LRRC7: variants seen among roughly 807,000 people sequenced by gnomAD.
LRRC7 encodes leucine rich repeat containing 7.
A neutral mutation model predicts 175.7 loss-of-function variants in LRRC7; 23 were observed. The ratio of observed to expected loss-of-function variants is 0.13; its 90% CI spans 0.09 to 0.19. The LOEUF is 0.19. Among genes scored for constraint, LRRC7 ranks in the 10% least tolerant of loss-of-function variants. The pLI is 1.00. For synonymous variants in LRRC7, 685 were observed against 680.9 expected, an observed-to-expected ratio of 1.01 and a Z score of -0.09; for missense variants, 1,354 against 1,904.7, an observed-to-expected ratio of 0.71 and a Z score of 5.38.
At chr1:69,797,064 G>T (rs1258515815) in intron 4 of LRRC7, among the ~76,000 whole-genome samples, 1 of 152,038 alleles carries the variant, frequency 6.6e-6, no homozygotes, top group Admixed American at 6.6e-5. Context: ...CAGTATACAT[G>T]GTAGGCATTC....
intron 3 of LRRC7, among the ~76,000 whole-genome samples, chr1:69,774,598 C>G (rs560781979): frequency 1.3e-5 from 2 of 152,084 alleles, no homozygotes; most frequent in South Asian, 4.1e-4. Flanking sequence ...CTACAGTAGC[C>G]TTTTTGCTAT....
At chr1:69,767,937 A>G (rs1176545716) in intron 3 of LRRC7, among the ~76,000 whole-genome samples, 1 of 151,982 alleles carries the variant, frequency 6.6e-6, no homozygotes, top group Non-Finnish European at 1.5e-5. Flanking sequence ...GCCCTAGGTG[A>G]GGGAAAAAAA....
chr1:69,948,686 A>G (rs988335467), intron 8 of LRRC7, among the ~76,000 whole-genome samples: 9 of 152,262 alleles, frequency 5.9e-5, no homozygotes, highest in Middle Eastern at 6.8e-3. Flanking sequence ...TGTGCCAGCT[A>G]CTTTTACGAG....
Position 69,792,054 on chromosome 1 carries a change from C to T in LRRC7, c.315C>T (p.Asn105=), listed in dbSNP as rs2101061543. The T allele has an allele frequency of 6.3e-7, 1 of 1,595,772 alleles. No individual in the cohort carries two copies. Among genetic ancestry groups the T allele is most frequent in the East Asian group, 2.2e-5 (1 of 44,578 alleles). Reference sequence around the variant, plus strand: ...ATTTTCTATTACAGCAATTGTTCAACTGTCAAGCTCTACGAAAACTAAGTA... The same window carrying T: ...ATTTTCTATTACAGCAATTGTTCAATTGTCAAGCTCTACGAAAACTAAGTA... ...QIEELPKQLF[N]CQALRKLSIP... Residue 105 remains asparagine (N), a synonymous_variant, in exon 4 of 27, where the codon AAC becomes AAT. Transcript: ENST00000651989.
At position 70,133,184 on chromosome 1, in the gene LRRC7, G is replaced by C. The variant is rs772713148; in HGVS notation, c.*11297G>C. ...CCCAGCCTTGGCAATTCTCTGGCTT[G>C]GGGGAGCACAGTCCGATTTTTGTTG... On this transcript the variant is annotated 3_prime_UTR_variant, in exon 27 of 27. Transcript: ENST00000651989. Among the ~76,000 whole-genome samples the C allele has an allele frequency of 1.3e-5, 2 of 151,960 alleles. No individual in the cohort carries two copies. The highest frequency in any genetic ancestry group is 2.4e-5 in the African/African-American group (1 of 41,358).
At chr1:69,786,316 A>C (rs1324869180) in intron 3 of LRRC7, among the ~76,000 whole-genome samples, 1 of 151,860 alleles carries the variant, frequency 6.6e-6, no homozygotes, top group Admixed American at 6.6e-5. Context: ...TTCCTAGAAG[A>C]CTTTTTTTTC....
At chr1:69,577,854 G>A (rs1646020110) in intron 1 of LRRC7, among the ~76,000 whole-genome samples, 1 of 152,108 alleles carries the variant, frequency 6.6e-6, no homozygotes, top group South Asian at 2.1e-4. Flanking sequence ...GATTGCCTTG[G>A]CGATGCGGGC....
intron 16 of LRRC7, among the ~76,000 whole-genome samples, chr1:70,022,051 A>G (rs1657561508): frequency 6.6e-6 from 1 of 152,142 alleles, no homozygotes; most frequent in African/African-American, 2.4e-5. Flanking sequence ...TATTTCTTAA[A>G]TCAGCACATG....
intron 7 of LRRC7, among the ~76,000 whole-genome samples, chr1:69,900,176 C>T (rs907382985): frequency 2.0e-5 from 3 of 152,138 alleles, no homozygotes; most frequent in Non-Finnish European, 2.9e-5. Context: ...AACCCTTGCT[C>T]CAACTAATAA....
At chr1:69,935,545 T>A (rs149962844) in intron 8 of LRRC7, among the ~76,000 whole-genome samples, 37 of 152,274 alleles carry the variant, frequency 2.4e-4, no homozygotes, top group Middle Eastern at 3.4e-3. Context: ...AAATAAACAC[T>A]AAATTAAGTT....
At chr1:70,082,769 T>C (rs1663297674) in intron 24 of LRRC7, among the ~76,000 whole-genome samples, 1 of 137,984 alleles carries the variant, frequency 7.2e-6, no homozygotes, top group South Asian at 2.4e-4. Context: ...TAGTCAATCT[T>C]GATACCAGTA....
chr1:69,637,738 T>A (rs1288773275), intron 1 of LRRC7, among the ~76,000 whole-genome samples: 1 of 151,982 alleles, frequency 6.6e-6, no homozygotes, highest in Non-Finnish European at 1.5e-5. Flanking sequence ...CTGTAACTAA[T>A]ATATTTTACT....
intron 7 of LRRC7, among the ~76,000 whole-genome samples, chr1:69,884,626 G>A (rs1405047436): frequency 7.3e-6 from 1 of 137,512 alleles, no homozygotes; most frequent in African/African-American, 3.0e-5. Context: ...CTGCCTAATT[G>A]CCCTGGCCAG....
intron 3 of LRRC7, among the ~76,000 whole-genome samples, chr1:69,767,216 T>C (rs1335678715): frequency 6.6e-6 from 1 of 152,192 alleles, no homozygotes; most frequent in Non-Finnish European, 1.5e-5. Flanking sequence ...CATTCCTTTT[T>C]ATTGACAAAT....
intron 6 of LRRC7, among the ~76,000 whole-genome samples, chr1:69,835,137 A>T (rs1037140813): frequency 2.0e-5 from 3 of 151,920 alleles, no homozygotes; most frequent in Non-Finnish European, 4.4e-5. Context: ...TATCTGAGGG[A>T]AAAAAAGGAG....
chr1:69,600,146 T>G (rs992773210), intron 1 of LRRC7, among the ~76,000 whole-genome samples: 3 of 152,180 alleles, frequency 2.0e-5, no homozygotes, highest in Non-Finnish European at 4.4e-5. Flanking sequence ...TACAGGGTGT[T>G]CCCATATAAC....
intron 7 of LRRC7, among the ~76,000 whole-genome samples, chr1:69,894,239 C>T (rs1645917471): frequency 1.3e-5 from 2 of 152,072 alleles, no homozygotes; most frequent in South Asian, 4.1e-4. Flanking sequence ...TTATTTTCCC[C>T]ATTTTACAAA....
intron 7 of LRRC7, among the ~76,000 whole-genome samples, chr1:69,919,037 A>G (rs560846033): frequency 6.6e-6 from 1 of 152,320 alleles, no homozygotes; most frequent in East Asian, 1.9e-4. Context: ...TAGAGGTGGC[A>G]TAGAGTGTAC....
intron 1 of LRRC7, among the ~76,000 whole-genome samples, chr1:69,606,600 C>G (rs906930365): frequency 3.3e-5 from 5 of 152,022 alleles, no homozygotes; most frequent in African/African-American, 1.2e-4. Context: ...TTATAGTGCA[C>G]AAGTCCAGCT....
Sources: gnomAD v4.1 joint callset for allele counts (sites outside exome capture counted in the v4.1 genomes callset) on GRCh38, gnomAD v4.1.1 for gene constraint, MANE v1.5 for transcripts, NCBI Gene and HGNC (gene_info 2026-07-23, HGNC 2026-07-21) for gene names.